The following DNAH8 variants were observed in gnomAD, a reference collection of about 807,000 sequenced individuals.
The protein encoded by DNAH8 is axonemal beta dynein heavy chain 8.
A neutral mutation model predicts 562.1 loss-of-function variants in DNAH8; 382 were observed. The ratio of observed to expected loss-of-function variants is 0.68; its 90% confidence interval spans 0.63 to 0.74. The LOEUF is 0.74. DNAH8 is among the 30% of genes least tolerant of loss of function. The probability of loss-of-function intolerance (pLI) is 0.00; values close to 1 mark genes in which losing one functional copy is unlikely to be tolerated. For missense variants in DNAH8, 5,203 were observed against 5,620.4 expected (o/e 0.93, Z 2.37); for synonymous variants, 1,881 against 1,919.4 (o/e 0.98, Z 0.52).
intron 3 of DNAH8, among the ~76,000 whole-genome samples, chr6:38,728,229 A>G (rs1251000810): frequency 6.6e-6 from 1 of 152,156 alleles, no homozygotes; most frequent in African/African-American, 2.4e-5. Context: ...GGGCCTCTCA[A>G]AGTGCTGGGA....
chr6:38,720,656 A>G (rs1762680579), intron 1 of DNAH8, among the ~76,000 whole-genome samples: 1 of 152,224 alleles, frequency 6.6e-6, no homozygotes. Context: ...ACTGGAGTAA[A>G]TAATTAATCC....
intron 88 of DNAH8, among the ~76,000 whole-genome samples, chr6:39,006,118 C>A (rs575608219): frequency 6.6e-6 from 1 of 152,344 alleles, no homozygotes; most frequent in South Asian, 2.1e-4. Flanking sequence ...GAAATGGATC[C>A]TCTCCTACAT....
At chr6:39,015,697 A>G (rs1039190594) in intron 91 of DNAH8, among the ~76,000 whole-genome samples, 1 of 152,228 alleles carries the variant, frequency 6.6e-6, no homozygotes, top group Admixed American at 6.5e-5. Context: ...TCTTTATAGC[A>G]GTGTGAAAAT....
At chr6:39,010,617 G>A (rs938382720) in intron 89 of DNAH8, among the ~76,000 whole-genome samples, 1 of 151,910 alleles carries the variant, frequency 6.6e-6, no homozygotes, top group African/African-American at 2.4e-5. Flanking sequence ...AGATACCTGG[G>A]CTATTGATTT....
chr6:38,987,810 G>A (rs1764501805), intron 87 of DNAH8, among the ~76,000 whole-genome samples: 1 of 152,066 alleles, frequency 6.6e-6, no homozygotes, highest in Non-Finnish European at 1.5e-5. Context: ...TCATTTCTCT[G>A]TCTAGCTTGG....
rs146680008 is a variant in DNAH8 at position 38,831,796 on chromosome 6, A to G, written c.4189-526A>G. 1.3e-3 allele frequency among the ~76,000 whole-genome samples: 193 copies of G among 152,350 alleles called. 1 individual carries two copies. Among genetic ancestry groups the G allele is most frequent in the African/African-American group, 4.3e-3 (180 of 41,582 alleles). On this transcript the variant is annotated intron_variant, in intron 30 of 92. Transcript: ENST00000327475. ...TCATAGGGTTGTTACAAAGATTAAA[A>G]GAGTTAACATATATAAAGAGCATGG...
At chr6:38,933,049 G>A (rs9462465) in intron 76 of DNAH8, 8,511 of 152,426 alleles carry the variant, frequency 0.056, 768 homozygotes, top group African/African-American at 0.19. Flanking sequence ...ACAGCCAGGC[G>A]GAGATGGCCC....
intron 72 of DNAH8, 182 bp downstream of exon 72, chr6:38,923,367 C>A: frequency 1.4e-6 from 1 of 706,516 alleles, no homozygotes; most frequent in Non-Finnish European, 2.2e-6. Flanking sequence ...TTTTACATCT[C>A]AGCTGTGGTT....
At chr6:38,808,713 G>A (rs1183626878) in intron 24 of DNAH8, among the ~76,000 whole-genome samples, 1 of 152,164 alleles carries the variant, frequency 6.6e-6, no homozygotes, top group Non-Finnish European at 1.5e-5. Context: ...GTGATAGACA[G>A]GATAAAGAAA....
intron 3 of DNAH8, among the ~76,000 whole-genome samples, chr6:38,727,135 G>A (rs1763293137): frequency 6.6e-6 from 1 of 152,156 alleles, no homozygotes; most frequent in East Asian, 1.9e-4. Context: ...TGGGATTACA[G>A]GTGTGGGCCA....
At chr6:38,735,684 A>T (rs1764018841) in intron 5 of DNAH8, among the ~76,000 whole-genome samples, 1 of 152,212 alleles carries the variant, frequency 6.6e-6, no homozygotes, top group Non-Finnish European at 1.5e-5. Flanking sequence ...GCATATAAAG[A>T]GAGAAAAAGT....
At chr6:38,832,565 GA>G in intron 31 of DNAH8, 130 bp downstream of exon 31, 1 of 569,458 alleles carries the variant, frequency 1.8e-6, no homozygotes, top group Non-Finnish European at 3.1e-6. Context: ...GCAGCTATCA[GA>G]AAAAGGGGAT....
intron 82 of DNAH8, among the ~76,000 whole-genome samples, chr6:38,952,628 G>A (rs1761995795): frequency 6.6e-6 from 1 of 152,140 alleles, no homozygotes; most frequent in Non-Finnish European, 1.5e-5. Flanking sequence ...CCACGTACTA[G>A]CCACATGTCC....
At chr6:38,849,573 T>G (rs762326654) in intron 37 of DNAH8, among the ~76,000 whole-genome samples, 1,515 of 120,730 alleles carry the variant, frequency 0.013, 23 homozygotes, top group African/African-American at 0.076. Context: ...TTTTTTTTGC[T>G]TTTTTTTTTT....
At chr6:39,019,158 A>G (rs535396794) in intron 91 of DNAH8, among the ~76,000 whole-genome samples, 1 of 152,142 alleles carries the variant, frequency 6.6e-6, no homozygotes, top group South Asian at 2.1e-4. Context: ...AGGGAGAGAG[A>G]GCTCAACAAT....
rs753994535 is a variant in DNAH8 at position 38,770,474 on chromosome 6, C to T, written c.1679C>T (p.Ser560Leu). 3.1e-6 allele frequency: 5 copies of T among 1,607,870 alleles called. No homozygotes were observed. The highest frequency in any genetic ancestry group is 4.2e-6 in the Non-Finnish European group (5 of 1,176,870). Residue 560 changes from serine (S) to leucine (L), a missense_variant, in exon 12 of 93, where the codon TCA (serine) becomes TTA (leucine). Ser to Leu is a moderately radical substitution (Grantham distance 145). Transcript: ENST00000327475. ...TTTCATAAAACAAGGAAACTGATTTCAGAATCCTCAGGGGAAAAATCTTTT... is the reference window on the plus strand; with the variant it reads ...TTTCATAAAACAAGGAAACTGATTTTAGAATCCTCAGGGGAAAAATCTTTT... ...ASFHKTRKLISESSGEKSFEV... is the reference protein window; with the variant it reads ...ASFHKTRKLILESSGEKSFEV...
At chr6:38,830,118 T>C (rs1194292439) in intron 30 of DNAH8, among the ~76,000 whole-genome samples, 1 of 152,224 alleles carries the variant, frequency 6.6e-6, no homozygotes, top group African/African-American at 2.4e-5. Flanking sequence ...GTTGATTTTC[T>C]CTATTGTTTT....
At position 38,815,478 on chromosome 6, in the gene DNAH8, C is replaced by T. The variant is rs754333679; in HGVS notation, c.3344C>T (p.Pro1115Leu). Residue 1115 changes from proline to leucine, a missense_variant, in exon 26 of 93, where the codon CCT becomes CTT. This residue lies in a region of DNAH8 where 2,176 missense variants were observed against 2,365.1 expected (regional missense o/e 0.92). Transcript: ENST00000327475. The stretch of plus-strand genomic sequence containing the variant: ...TTCTTCTTTCCACAGGTGATGATTC[C>T]TAGTTTGGATGACATTCAACAAGCC... Reference protein sequence around the residue: ...HLAIPNVVMIPSLDDIQQAIN... With the variant: ...HLAIPNVVMILSLDDIQQAIN... The T allele has an allele frequency of 6.2e-7, 1 of 1,613,278 alleles. No homozygotes were observed. The highest frequency in any genetic ancestry group is 8.5e-7 in the Non-Finnish European group (1 of 1,179,406).
At chr6:38,901,350 A>C (rs1424569881) in intron 62 of DNAH8, among the ~76,000 whole-genome samples, 1 of 152,098 alleles carries the variant, frequency 6.6e-6, no homozygotes, top group East Asian at 1.9e-4. Context: ...CTGACCTAGA[A>C]TTCATTTTCT....
Sources: allele counts gnomAD v4.1 joint callset (sites outside exome capture counted in the v4.1 genomes callset), GRCh38; gene constraint gnomAD v4.1.1; regional missense constraint gnomAD v4.1.1; transcripts MANE v1.5; gene names NCBI Gene and HGNC (gene_info 2026-07-23, HGNC 2026-07-21).